SORCS3: variants seen among roughly 807,000 people sequenced by gnomAD.
SORCS3 encodes VPS10 domain-containing receptor SorCS3.
Under a neutral mutation model 146.3 loss-of-function variants are expected in SORCS3, and 57 were observed. The observed-to-expected ratio is 0.39, with a 90% confidence interval of 0.31 to 0.49. The LOEUF is 0.49. Ranked by LOEUF, SORCS3 falls within the 20% of genes least tolerant of loss-of-function variation. The pLI, the probability that SORCS3 is intolerant of heterozygous loss-of-function variation, is 0.92. For missense variants in SORCS3, 1,341 were observed against 1,575.5 expected, an observed-to-expected ratio of 0.85 and a Z score of 2.52; for synonymous variants, 653 against 618.5, an observed-to-expected ratio of 1.06 and a Z score of -0.83.
At chr10:105,137,556 T>C (rs2056067478) in intron 7 of SORCS3, among the ~76,000 whole-genome samples, 1 of 152,094 alleles carries the variant, frequency 6.6e-6, no homozygotes, top group Non-Finnish European at 1.5e-5. Flanking sequence ...CATATCTACA[T>C]CTGAGAGGCA....
At chr10:104,820,355 C>A (rs548654982) in intron 1 of SORCS3, among the ~76,000 whole-genome samples, 4 of 152,224 alleles carry the variant, frequency 2.6e-5, no homozygotes, top group Admixed American at 6.5e-5. Flanking sequence ...GCATTATTGT[C>A]ATTAACTGGA....
intron 5 of SORCS3, among the ~76,000 whole-genome samples, chr10:105,069,520 C>A (rs933259465): frequency 3.9e-5 from 6 of 152,184 alleles, no homozygotes; most frequent in Admixed American, 3.9e-4. Context: ...GATTATTAAC[C>A]ATGCCTAGGG....
chr10:105,098,145 A>T (rs965374191), intron 6 of SORCS3, among the ~76,000 whole-genome samples: 2 of 152,206 alleles, frequency 1.3e-5, no homozygotes, highest in Non-Finnish European at 2.9e-5. Flanking sequence ...ATATTGATTA[A>T]TTCAATAACT....
intron 1 of SORCS3, among the ~76,000 whole-genome samples, chr10:104,688,803 C>T (rs530260750): frequency 3.9e-5 from 6 of 152,312 alleles, no homozygotes; most frequent in East Asian, 1.9e-4. Flanking sequence ...ATTCCCTCCA[C>T]GTGCCAACTC....
At chr10:105,061,399 A>G (rs2055485515) in intron 5 of SORCS3, among the ~76,000 whole-genome samples, 1 of 147,094 alleles carries the variant, frequency 6.8e-6, no homozygotes, top group African/African-American at 2.5e-5. Context: ...GGTTCATGCC[A>G]TTCTTCTGCC....
intron 1 of SORCS3, among the ~76,000 whole-genome samples, chr10:104,827,239 A>G (rs1207033050): frequency 6.6e-6 from 1 of 152,134 alleles, no homozygotes; most frequent in Non-Finnish European, 1.5e-5. Context: ...TTTTCAATTT[A>G]CTTTGCTGAG....
intron 7 of SORCS3, among the ~76,000 whole-genome samples, chr10:105,121,044 G>A (rs961282828): frequency 6.6e-6 from 1 of 152,172 alleles, no homozygotes; most frequent in African/African-American, 2.4e-5. Context: ...AGGCAGATGT[G>A]TTATCCAGGA....
chr10:105,243,458 C>T (rs912450238), intron 20 of SORCS3, among the ~76,000 whole-genome samples: 2 of 152,132 alleles, frequency 1.3e-5, no homozygotes, highest in Non-Finnish European at 2.9e-5. Flanking sequence ...TATGCTCAGC[C>T]CAGCTTGACT....
intron 1 of SORCS3, among the ~76,000 whole-genome samples, chr10:104,841,957 G>A (rs2018146422): frequency 6.6e-6 from 1 of 152,204 alleles, no homozygotes; most frequent in South Asian, 2.1e-4. Flanking sequence ...TAAATGTGGA[G>A]CTGTGCCTAA....
intron 2 of SORCS3, among the ~76,000 whole-genome samples, chr10:104,861,596 C>T (rs796470379): frequency 2.6e-5 from 4 of 152,172 alleles, no homozygotes; most frequent in African/African-American, 9.7e-5. Flanking sequence ...CACACACCTC[C>T]CCCGAGCCTA....
chr10:104,859,897 A>G (rs962503859), intron 2 of SORCS3, among the ~76,000 whole-genome samples: 1 of 120,214 alleles, frequency 8.3e-6, no homozygotes, highest in Non-Finnish European at 1.8e-5. Flanking sequence ...TAGAATGGCA[A>G]TCATTAAAAA....
chr10:105,035,718 G>A (rs760691304), intron 4 of SORCS3, among the ~76,000 whole-genome samples: 2 of 152,014 alleles, frequency 1.3e-5, no homozygotes, highest in African/African-American at 2.4e-5. Context: ...CACCTGCCTC[G>A]GTCTCCCAAA....
chr10:104,783,594 GCAGGTTCTTGTAATCC>G (rs961300237), intron 1 of SORCS3, among the ~76,000 whole-genome samples: 9 of 152,326 alleles, frequency 5.9e-5, no homozygotes, highest in Middle Eastern at 6.8e-3. Context: ...GGGCATGATG[GCAGGTTCTTGTAATCC>G]CAGCTACTCA....
intron 1 of SORCS3, among the ~76,000 whole-genome samples, chr10:104,698,002 A>G (rs1234367228): frequency 6.6e-6 from 1 of 152,148 alleles, no homozygotes; most frequent in Admixed American, 6.6e-5. Flanking sequence ...TGCTTTATCA[A>G]AGAGTGACTT....
intron 10 of SORCS3, among the ~76,000 whole-genome samples, chr10:105,158,289 TAAGAACA>T (rs1433385206): frequency 1.3e-5 from 2 of 152,158 alleles, no homozygotes; most frequent in African/African-American, 4.8e-5. Context: ...CAAGCCCTTT[TAAGAACA>T]CTCCAATGGG....
rs553834676 is a variant in SORCS3 at position 104,769,287 on chromosome 10, G to C, written c.628-73505G>C. On this transcript the variant is annotated intron_variant, in intron 1 of 26. Coordinates refer to ENST00000369701, the MANE Select transcript of SORCS3 (RefSeq NM_014978.3). ...CTACCAGCCCACAGCCAGAGGAAAA[G>C]CCAGGGTGAGGCCACTTCACAGGGC... is the stretch of plus-strand genomic sequence containing the variant. Among the ~76,000 whole-genome samples the C allele has an allele frequency of 2.1e-3, 319 of 152,338 alleles. 1 individual carries two copies. The highest frequency in any genetic ancestry group is 6.8e-3 in the Middle Eastern group (2 of 294).
At chr10:104,666,956 A>G (rs1229323519) in intron 1 of SORCS3, among the ~76,000 whole-genome samples, 1 of 152,116 alleles carries the variant, frequency 6.6e-6, no homozygotes, top group Non-Finnish European at 1.5e-5. Flanking sequence ...TATTAGGGGC[A>G]TAAGATGTAA....
chr10:105,228,090 G>T (rs1053160177), intron 20 of SORCS3, among the ~76,000 whole-genome samples: 2 of 148,500 alleles, frequency 1.3e-5, no homozygotes, highest in African/African-American at 4.9e-5. Flanking sequence ...AAGTTAATTT[G>T]CTTACTTTCA....
At chr10:105,023,069 C>G (rs2055207319) in intron 4 of SORCS3, among the ~76,000 whole-genome samples, 1 of 152,162 alleles carries the variant, frequency 6.6e-6, no homozygotes, top group Non-Finnish European at 1.5e-5. Flanking sequence ...CCTGCCTCTT[C>G]TCAGGCTCAC....
Sources: allele counts gnomAD v4.1 joint callset (sites outside exome capture counted in the v4.1 genomes callset), GRCh38; gene constraint gnomAD v4.1.1; transcripts MANE v1.5; gene names NCBI Gene and HGNC (gene_info 2026-07-23, HGNC 2026-07-21).